Variants in PLG observed in about 807,000 individuals in gnomAD.
PLG encodes plasminogen, also known as plasmin.
In PLG, 41 loss-of-function variants were observed where a neutral mutation model predicts 104.4. The ratio of observed to expected loss-of-function variants is 0.39; its 90% confidence interval spans 0.31 to 0.51. PLG has a LOEUF of 0.51. Ranked by LOEUF, PLG falls within the 20% of genes least tolerant of loss-of-function variation. The pLI, the probability that PLG is intolerant of heterozygous loss-of-function variation, is 0.76. For synonymous variants in PLG, 337 were observed against 357.1 expected, an observed-to-expected ratio of 0.94 and a Z score of 0.63; for missense variants, 891 against 1,003.6, an observed-to-expected ratio of 0.89 and a Z score of 1.52.
chr6:160,703,268 T>A (rs1168479311), intron 1 of PLG, among the ~76,000 whole-genome samples: 4 of 146,960 alleles, frequency 2.7e-5, no homozygotes, highest in Non-Finnish European at 4.5e-5. Flanking sequence ...TCTTTTTCTT[T>A]AAAAAAAAAA....
In PLG at chr6:160,735,071, T is replaced by A. The variant is rs1285288622; in HGVS notation, c.1681+983T>A. Among the ~76,000 whole-genome samples the A allele has an allele frequency of 6.6e-6, 1 of 152,120 alleles. No individual in the cohort carries two copies. Among genetic ancestry groups the A allele is most frequent in the Non-Finnish European group, 1.5e-5 (1 of 68,014 alleles). On this transcript the variant is annotated intron_variant, in intron 13 of 18. Transcript: ENST00000308192. This position sits in a 1 kb window ranked among gnomAD's most constrained non-coding sequence, Gnocchi z 5.4. ...AAGAGGGAGGAAGGAGGGGTTAGGATGGTATGAAAGATTCTACTTGGCCAA... is the reference window on the plus strand; with the variant it reads ...AAGAGGGAGGAAGGAGGGGTTAGGAAGGTATGAAAGATTCTACTTGGCCAA...
chr6:160,721,038 G>A (rs1279810661), intron 9 of PLG, among the ~76,000 whole-genome samples: 1 of 151,912 alleles, frequency 6.6e-6, no homozygotes, highest in Non-Finnish European at 1.5e-5. Context: ...CTGATATTAT[G>A]ACTTTTTTTC....
Position 160,732,980 on chromosome 6 carries a change from G to GT in PLG, c.1588-1014dup. On this transcript the variant is annotated intron_variant, in intron 12 of 18. Transcript: ENST00000308192. The surrounding 1 kb of genome is among the most constrained non-coding windows in gnomAD (Gnocchi z 4.5). ...CCTGTTCCCTCCCTGGAAGTTGGACGTGGGGGGCTGAACAGTTCCAACCCT... is the reference window on the plus strand; with the variant it reads ...CCTGTTCCCTCCCTGGAAGTTGGACGTTGGGGGGCTGAACAGTTCCAACCCT... 6.6e-6 allele frequency among the ~76,000 whole-genome samples: 1 copy of GT among 152,236 alleles called. No homozygotes were observed. Among genetic ancestry groups the GT allele is most frequent in the East Asian group, 1.9e-4 (1 of 5,170 alleles).
At position 160,724,513 on chromosome 6, in the gene PLG, A is replaced by G. The variant is rs980059448; in HGVS notation, c.1256+1946A>G. 3.9e-5 allele frequency among the ~76,000 whole-genome samples: 6 copies of G among 152,148 alleles called. No homozygotes were observed. Among genetic ancestry groups the G allele is most frequent in the African/African-American group, 1.2e-4 (5 of 41,464 alleles). ...TTCATATATGTGTAAAGCAAGTCAC[A>G]AGAGAGGAAAGAGATATTGGGACAG... is the stretch of plus-strand genomic sequence containing the variant. On this transcript the variant is annotated intron_variant, in intron 10 of 18. Coordinates refer to ENST00000308192, the MANE Select transcript of PLG (RefSeq NM_000301.5). The surrounding 1 kb of genome is among the most constrained non-coding windows in gnomAD (Gnocchi z 5.0).
At chr6:160,733,857 A>G (rs971582649) in intron 12 of PLG, 138 bp from the exon 13 acceptor site, 3 of 495,904 alleles carry the variant, frequency 6.0e-6, no homozygotes, top group Admixed American at 6.0e-5. Flanking sequence ...AAAAAAAAAA[A>G]AAAAAAAAAA....
intron 9 of PLG, among the ~76,000 whole-genome samples, chr6:160,720,146 T>A (rs2115164906): frequency 6.6e-6 from 1 of 152,210 alleles, no homozygotes; most frequent in South Asian, 2.1e-4. Context: ...GGGTTGAGAG[T>A]TTCATCACTT....
At chr6:160,742,978 G>A (rs569381090) in intron 17 of PLG, among the ~76,000 whole-genome samples, 1 of 147,836 alleles carries the variant, frequency 6.8e-6, no homozygotes, top group Admixed American at 6.8e-5. Flanking sequence ...CCTTATTTCT[G>A]GGCTCTCTAT....
Position 160,731,683 on chromosome 6 carries a change from T to G in PLG, c.1439-62T>G. On this transcript the variant is annotated intron_variant, in intron 11 of 18. Coordinates refer to ENST00000308192, the MANE Select transcript of PLG (RefSeq NM_000301.5). This position sits in a 1 kb window ranked among gnomAD's most constrained non-coding sequence, Gnocchi z 5.1. ...CTAGAGAAACCTGACATGACTGTAT[T>G]GATTCCATATCATCCTGGGTCTCTG... is the stretch of plus-strand genomic sequence containing the variant. The G allele has an allele frequency of 6.6e-7, 1 of 1,507,756 alleles. No individual in the cohort carries two copies. 93.4% of individuals were successfully genotyped at this position (1,507,756 alleles called of 1,614,324 possible).
At chr6:160,717,051 C>A (rs1562374315) in intron 7 of PLG, among the ~76,000 whole-genome samples, 1 of 152,184 alleles carries the variant, frequency 6.6e-6, no homozygotes, top group African/African-American at 2.4e-5. Context: ...ATCCTATTCT[C>A]TCTGTGCTAA....
intron 3 of PLG, 178 bp downstream of exon 3, chr6:160,707,984 T>C (rs1777563851): frequency 1.7e-6 from 1 of 599,266 alleles, no homozygotes; most frequent in South Asian, 2.0e-5. Flanking sequence ...CTTGAGTGTA[T>C]TACTTCACCT....
chr6:160,722,650 A>G, intron 10 of PLG, 83 bp downstream of exon 10: 1 of 1,298,602 alleles, frequency 7.7e-7, no homozygotes, highest in Non-Finnish European at 1.1e-6. Context: ...GCTTCAAGCC[A>G]ACTTCCTAGG....
At position 160,744,150 on chromosome 6, in the gene PLG, G is replaced by A. The variant is rs1179525455; in HGVS notation, c.2125+2733G>A. On this transcript the variant is annotated intron_variant, in intron 17 of 18. Transcript: ENST00000308192. The surrounding 1 kb of genome is among the most constrained non-coding windows in gnomAD (Gnocchi z 4.5). ...GTTTTTGTGTCTCTGCCAGGTTTTG[G>A]TATCAGGATGATGCTGACCTCATAG... 6.6e-6 allele frequency among the ~76,000 whole-genome samples: 1 copy of A among 152,150 alleles called. No homozygotes were observed. The highest frequency in any genetic ancestry group is 1.9e-4 in the East Asian group (1 of 5,200).
At position 160,732,179 on chromosome 6, in the gene PLG, C is replaced by T. The variant is rs903821064; in HGVS notation, c.1587+286C>T. ...TAAAGTTTCCATTATTGGGGACTGT[C>T]TCTAGTTTCTAGTGTTTGTATGCTA... On this transcript the variant is annotated intron_variant, in intron 12 of 18. Transcript: ENST00000308192. The surrounding 1 kb of genome is among the most constrained non-coding windows in gnomAD (Gnocchi z 4.5). Among the ~76,000 whole-genome samples the T allele has an allele frequency of 3.9e-5, 6 of 152,186 alleles. No individual in the cohort carries two copies. Among genetic ancestry groups the T allele is most frequent in the African/African-American group, 1.4e-4 (6 of 41,452 alleles).
chr6:160,722,516 C>T lies in PLG; in HGVS notation c.1205C>T (p.Ser402Leu). The change falls in exon 10 of 19, where the codon TCA (serine) becomes TTA (leucine). Residue 402 changes from serine (S) to leucine (L), a missense_variant. This residue lies in a region of PLG where 854 missense variants were observed against 932.1 expected (regional missense o/e 0.92). Transcript: ENST00000308192. ...TTTGKKCQSW[S>L]SMTPHRHQKT... ...ACAGGAAAGAAGTGTCAGTCTTGGT[C>T]ATCTATGACACCACACCGGCACCAG... The T allele has an allele frequency of 1.2e-6, 2 of 1,613,868 alleles. No individual in the cohort carries two copies. Among genetic ancestry groups the T allele is most frequent in the Non-Finnish European group, 1.7e-6 (2 of 1,179,800 alleles).
chr6:160,718,266 T>C (rs776695279), intron 7 of PLG, 28 bp from the exon 8 acceptor site: 2 of 1,594,010 alleles, frequency 1.3e-6, no homozygotes, highest in South Asian at 2.2e-5. Context: ...ATATATATAT[T>C]CATTGTAACT....
chr6:160,718,918 C>G, intron 9 of PLG, 80 bp downstream of exon 9: 1 of 1,231,516 alleles, frequency 8.1e-7, no homozygotes, highest in South Asian at 1.2e-5. Flanking sequence ...TCACAATATA[C>G]AGTAGCTTTG....
chr6:160,714,636 TTATTGCCAA>T (rs978366772), intron 5 of PLG, among the ~76,000 whole-genome samples, 149 bp from the exon 6 acceptor site: 3 of 96,404 alleles, frequency 3.1e-5, no homozygotes, highest in Non-Finnish European at 8.7e-5. Context: ...TCCTGAGTCC[TTATTGCCAA>T]TTTTATTGCC....
At chr6:160,716,561 G>A in intron 6 of PLG, 84 bp from the exon 7 acceptor site, 1 of 851,742 alleles carries the variant, frequency 1.2e-6, no homozygotes, top group South Asian at 1.3e-5. Flanking sequence ...GCACACAGCA[G>A]GTGCTCAATG....
At position 160,741,430 on chromosome 6, in the gene PLG, C is replaced by A. The variant is rs367609652; in HGVS notation, c.2125+13C>A. 1.2e-4 allele frequency: 177 copies of A among 1,487,046 alleles called. No homozygotes were observed. The African/African-American group carries it at 2.2e-3, about 19-fold the overall frequency. 92.1% of individuals were successfully genotyped at this position (1,487,046 alleles called of 1,614,324 possible). On this transcript the variant is annotated intron_variant, in intron 17 of 18. Coordinates refer to ENST00000308192, the MANE Select transcript of PLG (RefSeq NM_000301.5). The surrounding 1 kb of genome is among the most constrained non-coding windows in gnomAD (Gnocchi z 4.7). ...GGAGAAACCCAAGGTGAGATAAATT[C>A]CATTGCCCACATAACGAATTGGTTT...
Sources: allele counts gnomAD v4.1 joint callset (sites outside exome capture counted in the v4.1 genomes callset), GRCh38; gene constraint gnomAD v4.1.1; regional missense constraint gnomAD v4.1.1; non-coding constraint Gnocchi (gnomAD v3.1); transcripts MANE v1.5; gene names NCBI Gene and HGNC (gene_info 2026-07-23, HGNC 2026-07-21).